PELI2: variants seen among roughly 807,000 people sequenced by gnomAD.
The protein encoded by PELI2 is pellino E3 ubiquitin protein ligase family member 2.
A neutral mutation model predicts 42.3 loss-of-function variants in PELI2; 23 were observed. The ratio of observed to expected loss-of-function variants is 0.54; its 90% CI spans 0.39 to 0.77. The LOEUF (loss-of-function observed/expected upper bound fraction) is 0.77, where lower values mean the gene tolerates loss of function less well. PELI2 is among the 30% of genes least tolerant of loss of function. PELI2 has a pLI of 0.00. For missense variants in PELI2, 463 were observed against 553.2 expected (o/e 0.84, Z 1.64); for synonymous variants, 245 against 212.2 (o/e 1.15, Z -1.34).
Position 56,301,199 on chromosome 14 carries a change from T to G in PELI2, c.*4033T>G. 1 of 152,660 alleles carries G rather than the reference T, an allele frequency of 6.6e-6. No homozygotes were observed. The allele number at this position is 152,660 out of a possible 1,614,324, so 9.5% of individuals were successfully genotyped here. On this transcript the variant is annotated 3_prime_UTR_variant, in exon 6 of 6. Coordinates refer to ENST00000267460, the MANE Select transcript of PELI2 (RefSeq NM_021255.3). ...GTTTGTAAAATTGTTGTTTTATATT[T>G]CATGTCAAATTGAAAAGTTTATTTC...
intron 2 of PELI2, among the ~76,000 whole-genome samples, chr14:56,257,580 T>G (rs1467955831): frequency 6.6e-6 from 1 of 152,128 alleles, no homozygotes; most frequent in East Asian, 1.9e-4. Flanking sequence ...GATTCTAAAA[T>G]GTATGCGAAA....
chr14:56,157,873 C>T (rs1478780464), intron 1 of PELI2, among the ~76,000 whole-genome samples: 1 of 152,144 alleles, frequency 6.6e-6, no homozygotes, highest in East Asian at 1.9e-4. Flanking sequence ...ACAGAGGATT[C>T]CAATGCTAGT....
chr14:56,296,330 T>C (rs1303476740), intron 5 of PELI2, among the ~76,000 whole-genome samples: 2 of 152,290 alleles, frequency 1.3e-5, no homozygotes, highest in Middle Eastern at 3.4e-3. Flanking sequence ...TTCATTAAAA[T>C]AACCACTACA....
At chr14:56,285,636 GC>G (rs1304418447) in intron 3 of PELI2, among the ~76,000 whole-genome samples, 1 of 152,082 alleles carries the variant, frequency 6.6e-6, no homozygotes, top group Admixed American at 6.5e-5. Flanking sequence ...CTCAGCATAA[GC>G]CCTGGATTTA....
intron 2 of PELI2, among the ~76,000 whole-genome samples, chr14:56,229,034 G>A (rs191651159): frequency 7.0e-4 from 106 of 152,366 alleles, no homozygotes; most frequent in African/African-American, 2.4e-3. Flanking sequence ...CTGCAAGATG[G>A]CAGCAAGGCT....
intron 2 of PELI2, among the ~76,000 whole-genome samples, chr14:56,276,399 C>T (rs1436268614): frequency 6.6e-6 from 1 of 152,124 alleles, no homozygotes; most frequent in Non-Finnish European, 1.5e-5. Flanking sequence ...TGGCTTTAGT[C>T]TCATCTTTTC....
In PELI2 at chr14:56,293,490, C is replaced by A. The variant is rs182309015; in HGVS notation, c.696+3034C>A. On this transcript the variant is annotated intron_variant, in intron 5 of 5. Coordinates refer to ENST00000267460, the MANE Select transcript of PELI2 (RefSeq NM_021255.3). ...AAACTGGAATAATATTAATACATGT[C>A]TAATAGGACTGTTGTGAGAACTAAA... 2.3e-5 allele frequency among the ~76,000 whole-genome samples: 3 copies of A among 129,778 alleles called. No homozygotes were observed. The Admixed American group carries it at 2.4e-4, about 10-fold the overall frequency. 85.1% of individuals were successfully genotyped at this position (129,778 alleles called of 152,430 possible).
chr14:56,255,086 C>T (rs536601190), intron 2 of PELI2, among the ~76,000 whole-genome samples: 2 of 152,274 alleles, frequency 1.3e-5, no homozygotes, highest in Admixed American at 6.5e-5. Flanking sequence ...GGCAATTCCT[C>T]AAGGATCTAG....
intron 1 of PELI2, among the ~76,000 whole-genome samples, chr14:56,142,956 G>A (rs1269380686): frequency 6.6e-6 from 1 of 151,908 alleles, no homozygotes; most frequent in Admixed American, 6.6e-5. Flanking sequence ...TCATATTCAT[G>A]GAAAAATTAT....
chr14:56,286,443 G>A (rs573895507), intron 3 of PELI2, among the ~76,000 whole-genome samples: 2 of 152,200 alleles, frequency 1.3e-5, no homozygotes, highest in South Asian at 2.1e-4. Flanking sequence ...TGACATCCAG[G>A]CAAACCCAAA....
At chr14:56,237,277 C>T (rs1887831976) in intron 2 of PELI2, among the ~76,000 whole-genome samples, 1 of 152,164 alleles carries the variant, frequency 6.6e-6, no homozygotes, top group Non-Finnish European at 1.5e-5. Flanking sequence ...TCAATTAATT[C>T]CTAAGAAATC....
At chr14:56,166,316 T>A (rs1302245132) in intron 1 of PELI2, among the ~76,000 whole-genome samples, 2 of 152,242 alleles carry the variant, frequency 1.3e-5, no homozygotes, top group Non-Finnish European at 2.9e-5. Flanking sequence ...TCTGTTTATG[T>A]CTTATTGTAC....
chr14:56,234,194 C>A (rs906339352), intron 2 of PELI2, among the ~76,000 whole-genome samples: 1 of 152,144 alleles, frequency 6.6e-6, no homozygotes, highest in Admixed American at 6.5e-5. Flanking sequence ...ACAGTGTGGC[C>A]ATTCCTCAAG....
At position 56,297,113 on chromosome 14, in the gene PELI2, C is replaced by G; in HGVS notation, c.1210C>G (p.Leu404Val). 1 of 1,606,334 alleles carries G rather than the reference C, an allele frequency of 6.2e-7. No individual in the cohort carries two copies. The highest frequency in any genetic ancestry group is 8.5e-7 in the Non-Finnish European group (1 of 1,179,914). ...TGCTTGCCCTTTCTGTGCTACACAG[C>G]TGGTTGGGGAGCAAAACTGCATCAA... Reference protein sequence around the residue: ...HAACPFCATQLVGEQNCIKLI... With the variant: ...HAACPFCATQVVGEQNCIKLI... Residue 404 changes from leucine to valine, a missense_variant, in exon 6 of 6, where the codon CTG becomes GTG. Transcript: ENST00000267460.
chr14:56,291,097 A>G (rs1217523558), intron 5 of PELI2, among the ~76,000 whole-genome samples: 1 of 152,220 alleles, frequency 6.6e-6, no homozygotes, highest in Non-Finnish European at 1.5e-5. Flanking sequence ...TACCTTAAAT[A>G]TAGAACTTTG....
chr14:56,231,120 C>T (rs1322643560), intron 2 of PELI2, among the ~76,000 whole-genome samples: 2 of 152,128 alleles, frequency 1.3e-5, no homozygotes, highest in African/African-American at 4.8e-5. Context: ...TCTTTAGAGA[C>T]CTACAAAGAG....
At chr14:56,249,989 GCT>G (rs886072844) in intron 2 of PELI2, among the ~76,000 whole-genome samples, 5 of 152,188 alleles carry the variant, frequency 3.3e-5, no homozygotes, top group African/African-American at 9.7e-5. Context: ...CAAGATCAGT[GCT>G]CTCTCGTGTT....
At chr14:56,271,759 C>A (rs930826986) in intron 2 of PELI2, among the ~76,000 whole-genome samples, 3 of 152,170 alleles carry the variant, frequency 2.0e-5, no homozygotes, top group Non-Finnish European at 4.4e-5. Flanking sequence ...CCCAATAGAG[C>A]GTTCAGGACG....
intron 2 of PELI2, among the ~76,000 whole-genome samples, chr14:56,255,506 G>GA (rs1286847196): frequency 2.0e-5 from 3 of 152,092 alleles, no homozygotes; most frequent in Non-Finnish European, 4.4e-5. Flanking sequence ...CTAGGGGAGG[G>GA]ATGGCATTAG....
Sources: allele counts gnomAD v4.1 joint callset (sites outside exome capture counted in the v4.1 genomes callset), GRCh38; gene constraint gnomAD v4.1.1; transcripts MANE v1.5; gene names NCBI Gene and HGNC (gene_info 2026-07-23, HGNC 2026-07-21).